The following SLCO5A1 variants were observed in gnomAD, a reference collection of about 807,000 sequenced individuals.
The protein encoded by SLCO5A1 is organic anion transporter polypeptide-related protein 4.
SLCO5A1 carries 39 observed loss-of-function variants against 65.1 expected under a neutral mutation model. The observed-to-expected ratio is 0.60, with a 90% CI of 0.46 to 0.78. The LOEUF is 0.78. Among genes scored for constraint, SLCO5A1 ranks in the 30% least tolerant of loss-of-function variants. The probability of loss-of-function intolerance (pLI) is 0.00; values close to 1 mark genes in which losing one functional copy is unlikely to be tolerated. For synonymous variants in SLCO5A1, 438 were observed against 415.7 expected, an observed-to-expected ratio of 1.05 and a Z score of -0.65; for missense variants, 1,029 against 1,069.4, an observed-to-expected ratio of 0.96 and a Z score of 0.53.
At chr8:69,816,030 A>G (rs1008726799) in intron 2 of SLCO5A1, among the ~76,000 whole-genome samples, 1 of 152,174 alleles carries the variant, frequency 6.6e-6, no homozygotes, top group African/African-American at 2.4e-5. Flanking sequence ...TCCTCCATCC[A>G]TATATTCAAT....
chr8:69,674,713 G>A (rs1813474503), intron 9 of SLCO5A1, among the ~76,000 whole-genome samples: 1 of 151,896 alleles, frequency 6.6e-6, no homozygotes, highest in Non-Finnish European at 1.5e-5. Flanking sequence ...GAGGGGCAAA[G>A]CAAAAAGAAG....
intron 2 of SLCO5A1, among the ~76,000 whole-genome samples, chr8:69,772,302 T>C (rs1481310552): frequency 6.6e-6 from 1 of 151,926 alleles, no homozygotes; most frequent in East Asian, 1.9e-4. Context: ...AGGAGGATCA[T>C]TTGAGTCCAG....
rs1356681271 is a variant in SLCO5A1, at chr8:69,671,719, A to T, written c.*1150T>A. ...CTCTGATAAAGTAGGGTTCTTTCGG[A>T]TGGACTGGTTTATTTTACATAATTT... On this transcript the variant is annotated 3_prime_UTR_variant, in exon 10 of 10. Transcript: ENST00000260126. The T allele has an allele frequency of 2.6e-5, 4 of 152,182 alleles. No homozygotes were observed. Among genetic ancestry groups the T allele is most frequent in the Non-Finnish European group, 5.9e-5 (4 of 68,018 alleles). 9.4% of individuals were successfully genotyped at this position (152,182 alleles called of 1,614,324 possible).
intron 3 of SLCO5A1, 89 bp from the exon 4 acceptor site, chr8:69,755,730 A>G: frequency 4.8e-6 from 6 of 1,239,852 alleles, no homozygotes; most frequent in Non-Finnish European, 6.6e-6. Flanking sequence ...TGGTGAAAAA[A>G]TTTTGAAGAA....
intron 6 of SLCO5A1, among the ~76,000 whole-genome samples, chr8:69,704,045 G>T (rs1160409339): frequency 6.6e-6 from 1 of 152,086 alleles, no homozygotes; most frequent in African/African-American, 2.4e-5. Context: ...ATTGCCAAAT[G>T]CCACAAATCA....
At position 69,672,993 on chromosome 8, in the gene SLCO5A1, GTC is replaced by G. The variant is rs1342382499; in HGVS notation, c.2421_2422del (p.Glu807AspfsTer50). 2 of 1,614,110 alleles carry G rather than the reference GTC, an allele frequency of 1.2e-6. No individual in the cohort carries two copies. The highest frequency in any genetic ancestry group is 1.7e-6 in the Non-Finnish European group (2 of 1,180,032). On this transcript the variant is annotated frameshift_variant, in exon 10 of 10. Transcript: ENST00000260126. LOFTEE classifies it high-confidence loss of function. ...GCACTGGATCCCTTTTTGCAGGCCAGTCTCTTCGTGGAATTCTCCCTGGGTGC... is the reference window on the plus strand; with the variant it reads ...GCACTGGATCCCTTTTTGCAGGCCAGTCTTCGTGGAATTCTCCCTGGGTGC...
chr8:69,770,345 A>G (rs1818265553), intron 2 of SLCO5A1, among the ~76,000 whole-genome samples: 1 of 152,136 alleles, frequency 6.6e-6, no homozygotes, highest in Admixed American at 6.5e-5. Flanking sequence ...CTGTAATCCC[A>G]ATACTTTGGG....
intron 5 of SLCO5A1, among the ~76,000 whole-genome samples, chr8:69,715,971 C>T (rs954503685): frequency 2.0e-5 from 3 of 152,164 alleles, no homozygotes; most frequent in Admixed American, 6.5e-5. Flanking sequence ...TTAGCTATCA[C>T]ACCCAGCCCT....
chr8:69,813,856 T>C (rs1351358786), intron 2 of SLCO5A1, among the ~76,000 whole-genome samples: 7 of 152,230 alleles, frequency 4.6e-5, no homozygotes, highest in Non-Finnish European at 8.8e-5. Context: ...CAGAAGTTTA[T>C]GGACTTCTCC....
intron 6 of SLCO5A1, among the ~76,000 whole-genome samples, chr8:69,687,125 A>T (rs1484951165): frequency 6.6e-6 from 1 of 152,212 alleles, no homozygotes; most frequent in Non-Finnish European, 1.5e-5. Flanking sequence ...GGCTACCATG[A>T]CATTTTTCCT....
intron 7 of SLCO5A1, among the ~76,000 whole-genome samples, chr8:69,681,215 GA>G (rs754255502): frequency 2.0e-5 from 3 of 152,212 alleles, no homozygotes; most frequent in Admixed American, 6.5e-5. Context: ...CACCTGCACA[GA>G]ACAAGCACAT....
At chr8:69,688,261 C>A (rs1034491545) in intron 6 of SLCO5A1, among the ~76,000 whole-genome samples, 10 of 152,108 alleles carry the variant, frequency 6.6e-5, no homozygotes, top group African/African-American at 2.4e-4. Context: ...AAACTTCTTT[C>A]CCCTCTAATT....
At chr8:69,771,877 G>A (rs1232432919) in intron 2 of SLCO5A1, among the ~76,000 whole-genome samples, 3 of 152,208 alleles carry the variant, frequency 2.0e-5, no homozygotes, top group Non-Finnish European at 2.9e-5. Flanking sequence ...TCTAATTCAA[G>A]TTCTCTGATG....
chr8:69,764,602 A>G (rs1166068542), intron 2 of SLCO5A1, among the ~76,000 whole-genome samples: 3 of 152,192 alleles, frequency 2.0e-5, no homozygotes, highest in Non-Finnish European at 2.9e-5. Context: ...CTTCTCATCA[A>G]TAAAATTAGA....
intron 5 of SLCO5A1, among the ~76,000 whole-genome samples, chr8:69,722,017 C>T (rs908131306): frequency 6.6e-6 from 1 of 151,972 alleles, no homozygotes; most frequent in Non-Finnish European, 1.5e-5. Context: ...ACTAAAACTA[C>T]AAAAACTAGC....
At chr8:69,828,475 G>T (rs1260083663) in intron 2 of SLCO5A1, among the ~76,000 whole-genome samples, 2 of 151,972 alleles carry the variant, frequency 1.3e-5, no homozygotes, top group Middle Eastern at 3.4e-3. Flanking sequence ...GGTGGTGGGC[G>T]CCTGTAGTCC....
chr8:69,805,465 T>A (rs1377780594), intron 2 of SLCO5A1, among the ~76,000 whole-genome samples: 1 of 152,108 alleles, frequency 6.6e-6, no homozygotes, highest in Non-Finnish European at 1.5e-5. Context: ...CCACTCAATT[T>A]GAAACCACTC....
Position 69,672,583 on chromosome 8 carries a change from A to G in SLCO5A1, c.*286T>C. On this transcript the variant is annotated 3_prime_UTR_variant, in exon 10 of 10. Coordinates refer to ENST00000260126, the MANE Select transcript of SLCO5A1 (RefSeq NM_030958.3). ...CTTCCCATGGTTTTGCTAACCGTGT[A>G]CCTCAGCCTGTACCGTAGGGGAGCA... 1 of 387,632 alleles carries G rather than the reference A, an allele frequency of 2.6e-6. No individual in the cohort carries two copies. Among genetic ancestry groups the G allele is most frequent in the South Asian group, 4.8e-5 (1 of 20,806 alleles). The allele number at this position is 387,632 out of a possible 1,614,324, so 24.0% of individuals were successfully genotyped here.
intron 6 of SLCO5A1, among the ~76,000 whole-genome samples, chr8:69,687,890 A>G (rs1814070259): frequency 6.6e-6 from 1 of 151,784 alleles, no homozygotes; most frequent in African/African-American, 2.4e-5. Flanking sequence ...AACATAACAT[A>G]TGTTAATATA....
Sources: allele counts gnomAD v4.1 joint callset (sites outside exome capture counted in the v4.1 genomes callset), GRCh38; gene constraint gnomAD v4.1.1; transcripts MANE v1.5; gene names NCBI Gene and HGNC (gene_info 2026-07-23, HGNC 2026-07-21).